Variants in AGBL1 observed in about 807,000 individuals in gnomAD.
The protein encoded by AGBL1 is AGBL carboxypeptidase 1.
Under a neutral mutation model 118.9 loss-of-function variants are expected in AGBL1, and 130 were observed. The observed-to-expected ratio is 1.09, with a 90% confidence interval of 0.95 to 1.26. The LOEUF (loss-of-function observed/expected upper bound fraction) is 1.26. AGBL1 is among the 50% of genes most tolerant of loss of function. AGBL1 has a pLI of 0.00. For missense variants in AGBL1, 1,584 were observed against 1,298.1 expected (o/e 1.22, Z -3.38); for synonymous variants, 555 against 478.9 (o/e 1.16, Z -2.08).
chr15:86,260,301 T>C lies in AGBL1; in HGVS notation c.969+2270T>C, dbSNP rs531298284. Among the ~76,000 whole-genome samples the C allele has an allele frequency of 3.3e-5, 5 of 152,318 alleles. No individual in the cohort carries two copies. The South Asian group carries it at 8.3e-4, about 25-fold the overall frequency. On this transcript the variant is annotated intron_variant, in intron 9 of 22. Coordinates refer to ENST00000614907, the MANE Select transcript of AGBL1 (RefSeq NM_001386094.1). ...AACCTGTGGCCTTCCCATTTGACAA[T>C]CTTAGGTAATAATTGGGACCAGCCT...
At chr15:86,657,241 A>G (rs993767486) in intron 21 of AGBL1, among the ~76,000 whole-genome samples, 3 of 152,298 alleles carry the variant, frequency 2.0e-5, no homozygotes, top group African/African-American at 7.2e-5. Flanking sequence ...CAACTGTACA[A>G]GTGCCGCGGG....
At chr15:86,694,791 T>G (rs2086228084) in intron 22 of AGBL1, among the ~76,000 whole-genome samples, 1 of 152,072 alleles carries the variant, frequency 6.6e-6, no homozygotes, top group African/African-American at 2.4e-5. Context: ...TCGCTGAAGG[T>G]TTTAGTCATA....
intron 18 of AGBL1, among the ~76,000 whole-genome samples, chr15:86,485,370 A>G (rs1457332809): frequency 3.4e-5 from 5 of 149,056 alleles, no homozygotes; most frequent in African/African-American, 5.0e-5. Flanking sequence ...ATGATTTTTC[A>G]CTGCTTATAT....
chr15:87,002,460 G>A (rs998954396), intron 24 of AGBL1, among the ~76,000 whole-genome samples: 26 of 151,882 alleles, frequency 1.7e-4, no homozygotes, highest in East Asian at 1.9e-4. Flanking sequence ...TGGCAATGTG[G>A]GCTCTTTTTT....
In AGBL1 at chr15:86,262,824, G is replaced by T. The variant is rs1420433238; in HGVS notation, c.1016G>T (p.Gly339Val). ...GTGAACAAGCTGAGTTCCAAACCTG[G>T]TCTTGACCGACCTGAAGAGGAACTG... ...TDVNKLSSKP[G>V]LDRPEEELMQ... The change falls in exon 10 of 23, where the codon GGT becomes GTT. Residue 339 changes from glycine to valine, a missense_variant. Transcript: ENST00000614907. 1.9e-6 allele frequency: 3 copies of T among 1,611,372 alleles called. No homozygotes were observed. Among genetic ancestry groups the T allele is most frequent in the Admixed American group, 1.7e-5 (1 of 59,748 alleles).
At chr15:86,830,777 C>T (rs1286466041) in intron 22 of AGBL1, among the ~76,000 whole-genome samples, 2 of 152,146 alleles carry the variant, frequency 1.3e-5, no homozygotes, top group African/African-American at 4.8e-5. Context: ...GTACTCCAGG[C>T]TATGATTTCC....
chr15:86,638,172 T>C (rs975482074), intron 21 of AGBL1, among the ~76,000 whole-genome samples: 24 of 152,350 alleles, frequency 1.6e-4, no homozygotes, highest in African/African-American at 5.3e-4. Flanking sequence ...TTAAAGGTGC[T>C]ATTCAAGATA....
chr15:86,515,695 C>T (rs2083112293), intron 18 of AGBL1, among the ~76,000 whole-genome samples: 1 of 152,146 alleles, frequency 6.6e-6, no homozygotes, highest in South Asian at 2.1e-4. Context: ...GCTGGCTGGC[C>T]TCAGAATTAG....
At chr15:86,293,551 G>C (rs1162771967) in intron 16 of AGBL1, among the ~76,000 whole-genome samples, 1 of 152,098 alleles carries the variant, frequency 6.6e-6, no homozygotes, top group South Asian at 2.1e-4. Flanking sequence ...AGTGCAGGAC[G>C]ACCTCCCCAT....
At chr15:86,872,035 G>A (rs79948422) in intron 22 of AGBL1, among the ~76,000 whole-genome samples, 9,112 of 152,220 alleles carry the variant, frequency 0.06, 345 homozygotes, top group Middle Eastern at 0.085. Context: ...TGCTTTAAGT[G>A]ATGCTGAAAT....
intron 18 of AGBL1, among the ~76,000 whole-genome samples, chr15:86,484,476 A>C (rs190968372): frequency 5.3e-5 from 8 of 152,262 alleles, no homozygotes; most frequent in Admixed American, 3.3e-4. Flanking sequence ...TTGAAAATGC[A>C]AGGGATCAGT....
At chr15:87,006,898 G>T (rs968818338) in intron 24 of AGBL1, among the ~76,000 whole-genome samples, 1 of 152,126 alleles carries the variant, frequency 6.6e-6, no homozygotes, top group African/African-American at 2.4e-5. Context: ...TCTGACATGG[G>T]TCCTGTTTCA....
intron 6 of AGBL1, among the ~76,000 whole-genome samples, chr15:86,244,923 A>G (rs2078696611): frequency 6.6e-6 from 1 of 152,210 alleles, no homozygotes; most frequent in Non-Finnish European, 1.5e-5. Flanking sequence ...CTCATGCTGT[A>G]TGGCCAAGAT....
At chr15:86,126,793 T>C (rs931495667) in intron 1 of AGBL1, among the ~76,000 whole-genome samples, 15 of 152,208 alleles carry the variant, frequency 9.9e-5, no homozygotes, top group African/African-American at 2.7e-4. Flanking sequence ...GTTTAGTTGT[T>C]GCGCTGTGGT....
At chr15:86,772,082 C>T (rs575360663) in intron 22 of AGBL1, among the ~76,000 whole-genome samples, 8 of 152,098 alleles carry the variant, frequency 5.3e-5, no homozygotes, top group South Asian at 4.1e-4. Flanking sequence ...GACATGAGGC[C>T]GGGAGGTCAC....
chr15:86,409,327 T>C (rs2081578668), intron 18 of AGBL1, among the ~76,000 whole-genome samples: 1 of 152,132 alleles, frequency 6.6e-6, no homozygotes, highest in Non-Finnish European at 1.5e-5. Flanking sequence ...TTCGTAGAGA[T>C]CAAAATGGAA....
rs1454398901 is a variant in AGBL1 at position 86,177,677 on chromosome 15, G to A, written c.488+18651G>A. Reference sequence around the variant, plus strand: ...CCCCAAAATTTGAAAATTAAATAATGTACTTCTAAAGGAACTATAGGTCAA... The same window carrying A: ...CCCCAAAATTTGAAAATTAAATAATATACTTCTAAAGGAACTATAGGTCAA... On this transcript the variant is annotated intron_variant, in intron 5 of 22. Transcript: ENST00000614907. Among the ~76,000 whole-genome samples, 3 of 152,136 alleles carry A rather than the reference G, an allele frequency of 2.0e-5. No individual in the cohort carries two copies. In the East Asian group the frequency reaches 5.8e-4, roughly 29 times the overall value.
intron 5 of AGBL1, among the ~76,000 whole-genome samples, chr15:86,188,025 T>TAA (rs1231246972): frequency 6.6e-6 from 1 of 152,194 alleles, no homozygotes; most frequent in African/African-American, 2.4e-5. Flanking sequence ...TAAGATAATT[T>TAA]AAAGTTTTTT....
intron 18 of AGBL1, among the ~76,000 whole-genome samples, chr15:86,427,908 C>G (rs2081887338): frequency 6.6e-6 from 1 of 152,158 alleles, no homozygotes; most frequent in African/African-American, 2.4e-5. Context: ...AGCTTACGGA[C>G]AAATACCCTC....
Sources: allele counts gnomAD v4.1 joint callset (sites outside exome capture counted in the v4.1 genomes callset), GRCh38; gene constraint gnomAD v4.1.1; transcripts MANE v1.5; gene names NCBI Gene and HGNC (gene_info 2026-07-23, HGNC 2026-07-21).